Variants in ZNF454 observed in about 807,000 individuals in gnomAD.
The protein encoded by ZNF454 is zinc finger protein 454.
In ZNF454, 30 loss-of-function variants were observed where a neutral mutation model predicts 48.2. The observed-to-expected ratio is 0.62, with a 90% CI of 0.47 to 0.84. The LOEUF (loss-of-function observed/expected upper bound fraction) is 0.84, where lower values mean the gene tolerates loss of function less well. Among genes scored for constraint, ZNF454 ranks in the 40% least tolerant of loss-of-function variants. The pLI, the probability that ZNF454 is intolerant of heterozygous loss-of-function variation, is 0.00. For missense variants in ZNF454, 510 were observed against 623.1 expected (o/e 0.82, Z 1.93); for synonymous variants, 204 against 211.4 (o/e 0.97, Z 0.30).
chr5:178,943,986 C>CA (rs1561693109), intron 2 of ZNF454, among the ~76,000 whole-genome samples: 3 of 152,136 alleles, frequency 2.0e-5, no homozygotes, highest in African/African-American at 7.2e-5. Flanking sequence ...AAGATTGTGC[C>CA]AGTGCACTCC....
chr5:178,973,088 CTCCT>C, the ZNF454 span, among the ~76,000 whole-genome samples: 997 of 150,682 alleles, frequency 6.6e-3, 8 homozygotes, highest in African/African-American at 0.021. Flanking sequence ...ACCTCCCTCC[CTCCT>C]TCCTTCCTTC....
At chr5:178,954,470 T>C (rs1451096017) in intron 4 of ZNF454, among the ~76,000 whole-genome samples, 2 of 152,220 alleles carry the variant, frequency 1.3e-5, no homozygotes, top group African/African-American at 4.8e-5. Flanking sequence ...TCATCTTTTA[T>C]GCACTTTGGT....
In ZNF454 at chr5:178,963,078, G is replaced by A. The variant is rs962345871; in HGVS notation, c.251-1577G>A. Among the ~76,000 whole-genome samples the A allele has an allele frequency of 1.3e-4, 20 of 151,888 alleles. 4 individuals are homozygous for A. The East Asian group carries it at 3.6e-3, about 28-fold the overall frequency. On this transcript the variant is annotated intron_variant, in intron 4 of 4. Transcript: ENST00000519564. Reference sequence around the variant, plus strand: ...TAACTTTAATCTTTTGCCCTGTAAAGCTTAAGAATTCAATAAAATGTTTGA... The same window carrying A: ...TAACTTTAATCTTTTGCCCTGTAAAACTTAAGAATTCAATAAAATGTTTGA...
chr5:178,965,308 T>C lies in ZNF454; in HGVS notation c.904T>C (p.Cys302Arg). The C allele has an allele frequency of 1.9e-6, 3 of 1,614,232 alleles. No homozygotes were observed. Among genetic ancestry groups the C allele is most frequent in the Non-Finnish European group, 2.5e-6 (3 of 1,180,040 alleles). Residue 302 changes from cysteine to arginine, a missense_variant, in exon 5 of 5, where the codon TGT (cysteine) becomes CGT (arginine). Physicochemically the swap from Cys to Arg is radical, Grantham distance 180. Coordinates refer to ENST00000519564, the MANE Select transcript of ZNF454 (RefSeq NM_001178089.3). This position sits in a 1 kb window ranked among gnomAD's most constrained non-coding sequence, Gnocchi z 5.2. ...RIHTGEKPFK[C>R]NICEKAFVCR... ...ACATACTGGAGAGAAACCTTTTAAA[T>C]GTAACATTTGTGAAAAAGCCTTTGT...
At chr5:178,964,617 A>G in intron 4 of ZNF454, 38 bp from the exon 5 acceptor site, 1 of 1,485,154 alleles carries the variant, frequency 6.7e-7, no homozygotes, top group Non-Finnish European at 9.3e-7. Flanking sequence ...ATGTTTTGCT[A>G]GGGTAAAACA....
At chr5:178,985,659 T>C in the ZNF454 span, 41,415 of 384,474 alleles carry the variant, frequency 0.11, 2,568 homozygotes, top group Middle Eastern at 0.16. Flanking sequence ...GCTGAGATAG[T>C]GCCACTGCAC....
At chr5:178,986,541 G>C in the ZNF454 span, 1 of 1,607,580 alleles carries the variant, frequency 6.2e-7, no homozygotes, top group South Asian at 1.1e-5. Flanking sequence ...GTGTGGGGCG[G>C]CAGCCCGTGT....
chr5:178,983,801 C>T, the ZNF454 span, among the ~76,000 whole-genome samples: 3 of 152,198 alleles, frequency 2.0e-5, no homozygotes, highest in Non-Finnish European at 4.4e-5. Context: ...TGACAGGAAG[C>T]ACAACCTCAA....
intron 4 of ZNF454, among the ~76,000 whole-genome samples, chr5:178,961,614 G>A (rs1296079131): frequency 1.3e-5 from 2 of 151,384 alleles, no homozygotes; most frequent in Admixed American, 6.6e-5. Flanking sequence ...TCAGGAGTTC[G>A]CAACCAGCCT....
At chr5:178,959,297 C>T (rs989040669) in intron 4 of ZNF454, among the ~76,000 whole-genome samples, 13 of 152,120 alleles carry the variant, frequency 8.5e-5, no homozygotes, top group African/African-American at 2.4e-4. Flanking sequence ...GGTCTCATTC[C>T]GGGTTCCATA....
intron 4 of ZNF454, among the ~76,000 whole-genome samples, chr5:178,962,849 A>G (rs1760043127): frequency 6.6e-6 from 1 of 151,690 alleles, no homozygotes; most frequent in Non-Finnish European, 1.5e-5. Context: ...GTGCAAGCAA[A>G]CCATCTTAGT....
At chr5:178,986,002 T>C in the ZNF454 span, 3 of 823,948 alleles carry the variant, frequency 3.6e-6, no homozygotes, top group African/African-American at 1.7e-5. Context: ...ACTCAGGTGA[T>C]CCACCCACCT....
At chr5:178,954,916 C>G (rs1447439249) in intron 4 of ZNF454, among the ~76,000 whole-genome samples, 1 of 152,228 alleles carries the variant, frequency 6.6e-6, no homozygotes, top group African/African-American at 2.4e-5. Flanking sequence ...AGTAGCCTCC[C>G]ACTGTATGGA....
At chr5:178,942,894 A>G in intron 2 of ZNF454, 70 bp downstream of exon 2, 2 of 1,545,676 alleles carry the variant, frequency 1.3e-6, no homozygotes, top group South Asian at 2.5e-5. Context: ...GCTTCCTCAG[A>G]CCGGGAGCTT....
At chr5:178,978,103 A>G in the ZNF454 span, among the ~76,000 whole-genome samples, 1 of 152,222 alleles carries the variant, frequency 6.6e-6, no homozygotes, top group Non-Finnish European at 1.5e-5. Context: ...TCCATACTAC[A>G]GCAGTTTTTC....
chr5:178,968,948 C>A (rs1191783800), downstream of ZNF454: 1 of 446,902 alleles, frequency 2.2e-6, no homozygotes, highest in East Asian at 7.0e-5. Context: ...GAAGACAGTG[C>A]ACTCTCCCTG....
At chr5:178,960,690 T>A (rs1189669294) in intron 4 of ZNF454, among the ~76,000 whole-genome samples, 1 of 151,796 alleles carries the variant, frequency 6.6e-6, no homozygotes, top group Non-Finnish European at 1.5e-5. Flanking sequence ...AGTTATGTTG[T>A]GTGCATACAA....
rs1760151915 is a variant in ZNF454 at position 178,966,252 on chromosome 5, G to A, written c.*279G>A. ...GATCGAGACCATCCTGGCTAACAGG[G>A]TGAAACCCCATCGCTACTAAAAATA... On this transcript the variant is annotated 3_prime_UTR_variant, in exon 5 of 5. Coordinates refer to ENST00000519564, the MANE Select transcript of ZNF454 (RefSeq NM_001178089.3). The A allele has an allele frequency of 7.9e-6, 2 of 252,700 alleles. No individual in the cohort carries two copies. Among genetic ancestry groups the A allele is most frequent in the Non-Finnish European group, 7.6e-6 (1 of 132,064 alleles). The allele number at this position is 252,700 out of a possible 1,614,324, so 15.7% of individuals were successfully genotyped here.
intron 4 of ZNF454, among the ~76,000 whole-genome samples, chr5:178,955,699 G>A (rs542126831): frequency 1.7e-4 from 26 of 152,096 alleles, no homozygotes; most frequent in Non-Finnish European, 3.5e-4. Flanking sequence ...AAATGAATTG[G>A]GAAATTTCTC....
Sources: gnomAD v4.1 joint callset for allele counts (sites outside exome capture counted in the v4.1 genomes callset) on GRCh38, gnomAD v4.1.1 for gene constraint, Gnocchi (gnomAD v3.1) non-coding constraint, MANE v1.5 for transcripts, NCBI Gene and HGNC (gene_info 2026-07-23, HGNC 2026-07-21) for gene names.